MAD1L1: variants seen among roughly 807,000 people sequenced by gnomAD.
MAD1L1 encodes mitotic spindle assembly checkpoint protein MAD1.
In MAD1L1, 95 loss-of-function variants were observed where a neutral mutation model predicts 96.9. The observed-to-expected ratio is 0.98, with a 90% confidence interval of 0.83 to 1.16. The LOEUF is 1.16. Among genes scored for constraint, MAD1L1 ranks in the 50% most tolerant of loss-of-function variants. The pLI, the probability that MAD1L1 is intolerant of heterozygous loss-of-function variation, is 0.00. For missense variants in MAD1L1, 1,007 were observed against 954.4 expected (o/e 1.06, Z -0.73); for synonymous variants, 473 against 396.6 (o/e 1.19, Z -2.29).
chr7:2,062,255 GA>G (rs1784692482), intron 12 of MAD1L1, among the ~76,000 whole-genome samples: 1 of 55,630 alleles, frequency 1.8e-5, no homozygotes. Context: ...AAACAGCAAC[GA>G]CAAAAAAAAA....
intron 10 of MAD1L1, among the ~76,000 whole-genome samples, chr7:2,206,688 C>T (rs890308236): frequency 2.6e-5 from 4 of 152,230 alleles, no homozygotes; most frequent in African/African-American, 4.8e-5. Flanking sequence ...CAATTTACAA[C>T]GTGTCTTGAA....
intron 15 of MAD1L1, among the ~76,000 whole-genome samples, chr7:1,963,988 C>T (rs1016814715): frequency 5.3e-5 from 8 of 152,206 alleles, no homozygotes; most frequent in African/African-American, 1.7e-4. Flanking sequence ...TTACAAACAA[C>T]CCCCTCAGTC....
chr7:1,908,841 G>T (rs1787837140), intron 17 of MAD1L1, among the ~76,000 whole-genome samples: 1 of 152,096 alleles, frequency 6.6e-6, no homozygotes, highest in African/African-American at 2.4e-5. Context: ...TTTCTCTCAT[G>T]ACCCCCACCA....
intron 14 of MAD1L1, among the ~76,000 whole-genome samples, chr7:1,985,903 T>C (rs962532721): frequency 4.6e-5 from 7 of 152,224 alleles, no homozygotes; most frequent in Admixed American, 1.3e-4. Context: ...TCACAGACTC[T>C]ACCGCCTCGT....
At chr7:1,918,035 G>A (rs774714100) in intron 17 of MAD1L1, among the ~76,000 whole-genome samples, 2 of 152,124 alleles carry the variant, frequency 1.3e-5, no homozygotes, top group Non-Finnish European at 2.9e-5. Context: ...AACCTGAATC[G>A]TGGGCCCACA....
At chr7:2,087,631 G>A (rs1785987106) in intron 11 of MAD1L1, among the ~76,000 whole-genome samples, 1 of 152,198 alleles carries the variant, frequency 6.6e-6, no homozygotes, top group Non-Finnish European at 1.5e-5. Context: ...ACCACAGTCT[G>A]CACAGCTCCA....
At chr7:2,206,268 G>A (rs990423284) in intron 10 of MAD1L1, among the ~76,000 whole-genome samples, 2 of 152,064 alleles carry the variant, frequency 1.3e-5, no homozygotes, top group African/African-American at 4.8e-5. Flanking sequence ...TTAATATCTC[G>A]CAAATATTTT....
chr7:2,227,752 C>T (rs1793977245), intron 3 of MAD1L1, among the ~76,000 whole-genome samples: 1 of 152,200 alleles, frequency 6.6e-6, no homozygotes. Context: ...AGCAGCCTTC[C>T]TGGTCTCACT....
At chr7:2,221,163 G>A (rs903729047) in intron 5 of MAD1L1, 16 of 735,910 alleles carry the variant, frequency 2.2e-5, no homozygotes, top group Middle Eastern at 3.7e-4. Context: ...CCACCCCACC[G>A]GGCACCGCCC....
At chr7:2,033,545 T>C (rs1173922850) in intron 12 of MAD1L1, among the ~76,000 whole-genome samples, 2 of 152,040 alleles carry the variant, frequency 1.3e-5, no homozygotes, top group Non-Finnish European at 2.9e-5. Flanking sequence ...TACAAATCAA[T>C]AGGAAAATCA....
At chr7:1,942,733 C>T (rs2128467494) in intron 16 of MAD1L1, among the ~76,000 whole-genome samples, 1 of 152,342 alleles carries the variant, frequency 6.6e-6, no homozygotes, top group East Asian at 1.9e-4. Flanking sequence ...TCTGCACATT[C>T]TGTACAATCC....
intron 12 of MAD1L1, among the ~76,000 whole-genome samples, chr7:2,037,758 G>A (rs889948998): frequency 6.6e-6 from 1 of 152,022 alleles, no homozygotes; most frequent in Non-Finnish European, 1.5e-5. Flanking sequence ...CTGCTTCACT[G>A]ACCAGCCATC....
intron 16 of MAD1L1, among the ~76,000 whole-genome samples, chr7:1,946,732 C>T (rs971509612): frequency 6.6e-6 from 1 of 152,250 alleles, no homozygotes; most frequent in African/African-American, 2.4e-5. Context: ...TGTCCAAGCT[C>T]CCCTCCAGGC....
chr7:1,949,186 ACACG>A (rs1779373820), intron 16 of MAD1L1, among the ~76,000 whole-genome samples: 1 of 152,162 alleles, frequency 6.6e-6, no homozygotes, highest in South Asian at 2.1e-4. Context: ...GAGTGTGTGC[ACACG>A]CACTAGCTTG....
intron 12 of MAD1L1, among the ~76,000 whole-genome samples, chr7:2,056,053 T>C (rs1307326339): frequency 6.6e-6 from 1 of 152,208 alleles, no homozygotes; most frequent in Non-Finnish European, 1.5e-5. Flanking sequence ...GCAGTCTCTA[T>C]GCCACTCTTA....
rs536475368 is a variant in MAD1L1 at position 1,824,333 on chromosome 7, C to G, written c.1999-8105G>C. On this transcript the variant is annotated intron_variant, in intron 18 of 18. Transcript: ENST00000265854. ...TTGGCCACCAGGAAGCTGCGTGACC[C>G]TGGGCACACCGACACACCTCTCTTG... Among the ~76,000 whole-genome samples, 4 of 138,100 alleles carry G rather than the reference C, an allele frequency of 2.9e-5. No individual in the cohort carries two copies. In the South Asian group the frequency reaches 8.9e-4, roughly 31 times the overall value. The allele number at this position is 138,100 out of a possible 152,430, so 90.6% of individuals were successfully genotyped here.
chr7:2,160,570 T>A (rs189027463), intron 10 of MAD1L1, among the ~76,000 whole-genome samples: 136 of 152,188 alleles, frequency 8.9e-4, no homozygotes, highest in African/African-American at 2.9e-3. Flanking sequence ...CCTGACCTTG[T>A]GATCTGCCCG....
intron 11 of MAD1L1, among the ~76,000 whole-genome samples, chr7:2,080,359 C>T (rs1456271203): frequency 2.6e-5 from 4 of 152,196 alleles, no homozygotes; most frequent in Non-Finnish European, 5.9e-5. Context: ...GGTTTAGAAA[C>T]GCTAGCATGG....
At chr7:1,888,337 G>A (rs1786285271) in intron 18 of MAD1L1, among the ~76,000 whole-genome samples, 2 of 147,830 alleles carry the variant, frequency 1.4e-5, no homozygotes, top group South Asian at 2.2e-4. Flanking sequence ...CATGCGTGCG[G>A]CTGCCTGTGC....
Sources: allele counts gnomAD v4.1 joint callset (sites outside exome capture counted in the v4.1 genomes callset), GRCh38; gene constraint gnomAD v4.1.1; transcripts MANE v1.5; gene names NCBI Gene and HGNC (gene_info 2026-07-23, HGNC 2026-07-21).